SH3GL1: variants seen among roughly 807,000 people sequenced by gnomAD.
SH3GL1 encodes endophilin-A2.
Under a neutral mutation model 48.8 loss-of-function variants are expected in SH3GL1, and 21 were observed. The ratio of observed to expected loss-of-function variants is 0.43; its 90% confidence interval spans 0.30 to 0.62. The LOEUF (loss-of-function observed/expected upper bound fraction) is 0.62. Among genes scored for constraint, SH3GL1 ranks in the 20% least tolerant of loss-of-function variants. The pLI, the probability that SH3GL1 is intolerant of heterozygous loss-of-function variation, is 0.11. For synonymous variants in SH3GL1, 282 were observed against 217.5 expected (o/e 1.30, Z -2.61); for missense variants, 454 against 503.0 (o/e 0.90, Z 0.93).
At chr19:4,368,636 C>T (rs1339269800) in intron 1 of SH3GL1, among the ~76,000 whole-genome samples, 1 of 152,226 alleles carries the variant, frequency 6.6e-6, no homozygotes, top group Non-Finnish European at 1.5e-5. Flanking sequence ...CATCGGGACC[C>T]TTTCTGTCCA....
chr19:4,381,449 CT>C (rs1295711948), intron 1 of SH3GL1, among the ~76,000 whole-genome samples: 7 of 130,000 alleles, frequency 5.4e-5, no homozygotes, highest in Admixed American at 5.2e-4. Flanking sequence ...CTCTGTCCCC[CT>C]ACCTCTGTCT....
intron 1 of SH3GL1, among the ~76,000 whole-genome samples, chr19:4,384,807 G>A (rs1599614081): frequency 6.6e-6 from 1 of 152,210 alleles, no homozygotes; most frequent in African/African-American, 2.4e-5. Flanking sequence ...GCAGTGCTCA[G>A]CCTAAAAGTA....
At chr19:4,364,721 A>C (rs148936647) in intron 4 of SH3GL1, 276 of 153,352 alleles carry the variant, frequency 1.8e-3, no homozygotes, top group Non-Finnish European at 3.0e-3. Context: ...GAGCCACCGC[A>C]CCCGGTTTTT....
rs1972757957 is a variant in SH3GL1 at position 4,365,563 on chromosome 19, G to C, written c.250C>G (p.Pro84Ala). The C allele has an allele frequency of 6.2e-7, 1 of 1,614,114 alleles. No homozygotes were observed. Among genetic ancestry groups the C allele is most frequent in the Non-Finnish European group, 8.5e-7 (1 of 1,180,034 alleles). The change falls in exon 4 of 10, where the codon CCC becomes GCC. Residue 84 changes from proline to alanine, a missense_variant. By Grantham distance (27) the Pro-to-Ala change is conservative (BLOSUM62 -1). This residue lies in a region of SH3GL1 where 176 missense variants were observed against 256.2 expected (regional missense o/e 0.69). Coordinates refer to ENST00000269886, the MANE Select transcript of SH3GL1 (RefSeq NM_003025.4). ...VSKIRGQVKN[P>A]GYPQSEGLLG... ...AGCCCCTCCGACTGCGGGTAGCCGG[G>C]GTTCTTCACCTGGCCCCGGATCTTG...
At chr19:4,363,539 G>A (rs971136095) in intron 6 of SH3GL1, 66 bp from the exon 7 acceptor site, 46 of 1,519,122 alleles carry the variant, frequency 3.0e-5, no homozygotes, top group Middle Eastern at 1.7e-4. Context: ...CCTGACTCCC[G>A]AGGTGAAGCC....
At chr19:4,365,392 T>C in intron 4 of SH3GL1, 90 bp downstream of exon 4, 1 of 1,554,196 alleles carries the variant, frequency 6.4e-7, no homozygotes, top group South Asian at 1.1e-5. Context: ...TCCCCGGCAC[T>C]CAGCACATGC....
chr19:4,391,871 G>T lies in SH3GL1; in HGVS notation c.45+8453C>A, dbSNP rs147128400. Among the ~76,000 whole-genome samples the T allele has an allele frequency of 5.0e-3, 760 of 152,272 alleles. 11 individuals are homozygous for T. The highest frequency in any genetic ancestry group is 0.017 in the African/African-American group (718 of 41,554). ...CCTGGGGTGGCCCAGGGTCCACGCC[G>T]CCGGCTCCAATGCCGGCTCCAATGC... On this transcript the variant is annotated intron_variant, in intron 1 of 9. Coordinates refer to ENST00000269886, the MANE Select transcript of SH3GL1 (RefSeq NM_003025.4).
At chr19:4,366,004 G>A (rs1053101599) in intron 3 of SH3GL1, among the ~76,000 whole-genome samples, 13 of 152,308 alleles carry the variant, frequency 8.5e-5, no homozygotes, top group Admixed American at 2.0e-4. Flanking sequence ...TCCGCTGCCC[G>A]CTTGGGTCTG....
chr19:4,373,735 C>T (rs548754067), intron 1 of SH3GL1, among the ~76,000 whole-genome samples: 78 of 152,270 alleles, frequency 5.1e-4, no homozygotes, highest in African/African-American at 1.7e-3. Context: ...CCAGAATGGG[C>T]TCTGCCTCAG....
intron 4 of SH3GL1, 77 bp from the exon 5 acceptor site, chr19:4,364,298 T>C: frequency 6.3e-7 from 1 of 1,578,692 alleles, no homozygotes; most frequent in South Asian, 1.1e-5. Context: ...GCCTTTGTTT[T>C]TGAAATAGCG....
intron 4 of SH3GL1, among the ~76,000 whole-genome samples, chr19:4,364,877 T>TGTGTGTGC (rs1972731010): frequency 3.0e-5 from 2 of 67,512 alleles, no homozygotes; most frequent in Non-Finnish European, 6.8e-5. Flanking sequence ...TGTGTGTGTG[T>TGTGTGTGC]GTGTGTGTGT....
chr19:4,361,458 GGA>G lies in SH3GL1; in HGVS notation c.*140_*141del. 1.5e-6 allele frequency: 1 copy of G among 645,228 alleles called. No individual in the cohort carries two copies. Among genetic ancestry groups the G allele is most frequent in the Admixed American group, 2.7e-5 (1 of 37,206 alleles). 40.0% of individuals were successfully genotyped at this position (645,228 alleles called of 1,614,324 possible). On this transcript the variant is annotated 3_prime_UTR_variant, in exon 10 of 10. Coordinates refer to ENST00000269886, the MANE Select transcript of SH3GL1 (RefSeq NM_003025.4). ...CACCCAAGTGTGGGGTCCTGCTCAGGGAGTACCTCAAGGGCCGGGGCCCAGGT... is the reference window on the plus strand; with the variant it reads ...CACCCAAGTGTGGGGTCCTGCTCAGGGTACCTCAAGGGCCGGGGCCCAGGT...
At chr19:4,394,635 ACG>A (rs1272794268) in intron 1 of SH3GL1, among the ~76,000 whole-genome samples, 3 of 152,106 alleles carry the variant, frequency 2.0e-5, no homozygotes, top group African/African-American at 7.2e-5. Flanking sequence ...ATTATCACCA[ACG>A]AGAGATCAGA....
chr19:4,382,326 C>T (rs1037502241), intron 1 of SH3GL1, among the ~76,000 whole-genome samples: 13 of 136,972 alleles, frequency 9.5e-5, no homozygotes, highest in African/African-American at 1.1e-4. Flanking sequence ...GGCGCGATCT[C>T]GGCTCACTGC....
chr19:4,387,711 GTGT>G (rs1973261888), intron 1 of SH3GL1, among the ~76,000 whole-genome samples: 3 of 152,074 alleles, frequency 2.0e-5, no homozygotes, highest in African/African-American at 7.2e-5. Context: ...GGGGTTTTTT[GTGT>G]TGTTTTGTTT....
intron 1 of SH3GL1, among the ~76,000 whole-genome samples, chr19:4,385,117 ACTAGGGTACG>A (rs1973212281): frequency 6.6e-6 from 1 of 151,190 alleles, no homozygotes; most frequent in Non-Finnish European, 1.5e-5. Context: ...AAAAAAAAAA[ACTAGGGTACG>A]AGAAACCAAG....
At chr19:4,399,463 A>AG (rs911426836) in intron 1 of SH3GL1, among the ~76,000 whole-genome samples, 2 of 151,768 alleles carry the variant, frequency 1.3e-5, no homozygotes, top group Non-Finnish European at 2.9e-5. Flanking sequence ...AAGGAAGGAA[A>AG]GAAGGAAGGA....
At chr19:4,362,428 C>T (rs372522027) in intron 8 of SH3GL1, 43 bp from the exon 9 acceptor site, 27 of 1,591,900 alleles carry the variant, frequency 1.7e-5, no homozygotes, top group African/African-American at 2.7e-5. Flanking sequence ...TCAAAACGGT[C>T]GGGCAGGGCC....
chr19:4,371,916 C>T (rs991634350), intron 1 of SH3GL1, among the ~76,000 whole-genome samples: 7 of 152,352 alleles, frequency 4.6e-5, no homozygotes, highest in South Asian at 4.1e-4. Flanking sequence ...AGGCACAGAG[C>T]GGAGAAATGG....
Sources: allele counts gnomAD v4.1 joint callset (sites outside exome capture counted in the v4.1 genomes callset), GRCh38; gene constraint gnomAD v4.1.1; regional missense constraint gnomAD v4.1.1; transcripts MANE v1.5; gene names NCBI Gene and HGNC (gene_info 2026-07-23, HGNC 2026-07-21).